Variants in PCDHA4 observed in about 807,000 individuals in gnomAD.
PCDHA4 encodes the protein protocadherin alpha-4.
Under a neutral mutation model 61.4 loss-of-function variants are expected in PCDHA4, and 49 were observed. That is an observed-to-expected ratio of 0.80 (90% confidence interval 0.63 to 1.01). The LOEUF is 1.01. Among genes scored for constraint, PCDHA4 ranks in the 50% least tolerant of loss-of-function variants. PCDHA4 has a pLI of 0.00. For missense variants in PCDHA4, 1,254 were observed against 1,235.8 expected (o/e 1.01, Z -0.22); for synonymous variants, 590 against 550.3 (o/e 1.07, Z -1.01).
intron 1 of PCDHA4, chr5:140,850,151 G>A (rs1554143863): frequency 3.1e-6 from 5 of 1,595,466 alleles, no homozygotes; most frequent in Admixed American, 1.7e-5. Flanking sequence ...TGACGCTGCA[G>A]GTGTTCGTGC....
intron 3 of PCDHA4, among the ~76,000 whole-genome samples, chr5:140,983,526 A>C (rs1421450953): frequency 6.6e-6 from 1 of 152,230 alleles, no homozygotes; most frequent in African/African-American, 2.4e-5. Context: ...TGCCAAGTAC[A>C]TTGTATGTGT....
intron 1 of PCDHA4, chr5:140,835,779 G>GAGAACAACCCGCCGGGCTGCCACATCTT: frequency 6.2e-7 from 1 of 1,613,360 alleles, no homozygotes; most frequent in Non-Finnish European, 8.5e-7. Context: ...GTTCGTGAAG[G>GAGAACAACCCGCCGGGCTGCCACATCTT]AGAACAACCC....
chr5:140,947,402 T>C (rs550043631), intron 1 of PCDHA4, among the ~76,000 whole-genome samples: 1 of 151,868 alleles, frequency 6.6e-6, no homozygotes, highest in East Asian at 1.9e-4. Context: ...AAGTAGACTG[T>C]CTTGATATTG....
intron 1 of PCDHA4, among the ~76,000 whole-genome samples, chr5:140,950,428 T>G (rs408652): frequency 0.56 from 85,077 of 151,214 alleles, 24,477 homozygotes; most frequent in African/African-American, 0.69. Context: ...TTTCTTCCAC[T>G]TAAAAAAAAT....
intron 1 of PCDHA4, among the ~76,000 whole-genome samples, chr5:140,925,841 C>CT (rs1451775258): frequency 1.3e-5 from 2 of 152,066 alleles, no homozygotes; most frequent in African/African-American, 4.8e-5. Flanking sequence ...GTCGTCAAGT[C>CT]TTTGAGTTTC....
At chr5:140,850,178 T>C (rs1266429053) in intron 1 of PCDHA4, 11 of 1,592,662 alleles carry the variant, frequency 6.9e-6, no homozygotes, top group East Asian at 6.8e-5. Flanking sequence ...AGAACGACAA[T>C]GCGCCGGCGC....
intron 3 of PCDHA4, among the ~76,000 whole-genome samples, chr5:140,991,069 G>T (rs1156985445): frequency 6.6e-6 from 1 of 152,136 alleles, no homozygotes; most frequent in Non-Finnish European, 1.5e-5. Flanking sequence ...TTATTCCCAT[G>T]TTTCAGATAA....
intron 1 of PCDHA4, among the ~76,000 whole-genome samples, chr5:140,888,721 G>A (rs1176739860): frequency 6.6e-6 from 1 of 151,970 alleles, no homozygotes; most frequent in Non-Finnish European, 1.5e-5. Flanking sequence ...AATATTTCCA[G>A]CCCTTTGTGA....
At chr5:140,857,952 C>G in intron 1 of PCDHA4, 1 of 1,597,470 alleles carries the variant, frequency 6.3e-7, no homozygotes, top group South Asian at 1.1e-5. Context: ...ACGACGCGCG[C>G]TCTGGATGAG....
At chr5:140,994,355 G>A (rs2097616615) in intron 3 of PCDHA4, among the ~76,000 whole-genome samples, 2 of 152,240 alleles carry the variant, frequency 1.3e-5, no homozygotes, top group South Asian at 4.1e-4. Flanking sequence ...TGGGACCTCA[G>A]AAGATGGAAT....
In PCDHA4 at chr5:141,005,701, CAAAAAAAA is replaced by C. The variant is rs59860837; in HGVS notation, c.2534-3903_2534-3896del. Among the ~76,000 whole-genome samples, 45 of 7,788 alleles carry C rather than the reference CAAAAAAAA, an allele frequency of 5.8e-3. No individual in the cohort carries two copies. In the East Asian group the frequency reaches 0.064, roughly 11 times the overall value. 5.1% of individuals were successfully genotyped at this position (7,788 alleles called of 152,430 possible). A position where few individuals can be genotyped will look rare whatever the true frequency, so the allele number is the denominator to read the frequency against. On this transcript the variant is annotated intron_variant, in intron 3 of 3. Coordinates refer to ENST00000530339, the MANE Select transcript of PCDHA4 (RefSeq NM_018907.4). ...TGGGCGACAGAGCGAAACTCCGTCT[CAAAAAAAA>C]AAAAAAAAAAAAAAAAAAAAAAGAA...
intron 1 of PCDHA4, chr5:140,850,578 G>T: frequency 6.3e-7 from 1 of 1,598,460 alleles, no homozygotes; most frequent in Non-Finnish European, 8.6e-7. Context: ...GACGCTGGTG[G>T]ATGTCAACGT....
chr5:140,949,409 A>G (rs547419161), intron 1 of PCDHA4, among the ~76,000 whole-genome samples: 1 of 151,896 alleles, frequency 6.6e-6, no homozygotes, highest in African/African-American at 2.4e-5. Flanking sequence ...AAAATCACCT[A>G]TCATCATTGT....
intron 1 of PCDHA4, chr5:140,869,297 G>A (rs781788461): frequency 1.2e-6 from 2 of 1,613,576 alleles, no homozygotes; most frequent in East Asian, 2.2e-5. Flanking sequence ...CGCCTGTTCC[G>A]GGTGGCGTCC....
At chr5:140,885,864 GA>G (rs1267536827) in intron 1 of PCDHA4, among the ~76,000 whole-genome samples, 5 of 151,842 alleles carry the variant, frequency 3.3e-5, no homozygotes, top group African/African-American at 4.8e-5. Context: ...CTTTTCTATT[GA>G]AAAAAAATTT....
At chr5:140,927,720 G>C (rs782475238) in intron 1 of PCDHA4, 8 of 1,614,056 alleles carry the variant, frequency 5.0e-6, no homozygotes, top group Non-Finnish European at 6.8e-6. Flanking sequence ...GCAACAGCAC[G>C]CAAGCAGAGC....
chr5:140,968,058 G>A lies in PCDHA4; in HGVS notation c.2386-10891G>A, dbSNP rs532963970. On this transcript the variant is annotated intron_variant, in intron 1 of 3. Transcript: ENST00000530339. The stretch of plus-strand genomic sequence containing the variant: ...GTGAGCGGCCCACTGGACCGAGAGC[G>A]GGTGGCTGTCTACAACATCACGGTG... The A allele has an allele frequency of 1.1e-5, 18 of 1,614,088 alleles. No individual in the cohort carries two copies. The highest frequency in any genetic ancestry group is 4.0e-5 in the African/African-American group (3 of 75,026).
chr5:140,950,247 A>G (rs1483854749), intron 1 of PCDHA4, among the ~76,000 whole-genome samples: 1 of 152,004 alleles, frequency 6.6e-6, no homozygotes, highest in East Asian at 1.9e-4. Flanking sequence ...ATTTGTTCCT[A>G]AAGAGCTGAG....
intron 1 of PCDHA4, among the ~76,000 whole-genome samples, chr5:140,827,240 A>G (rs1263320018): frequency 3.3e-5 from 5 of 152,204 alleles, no homozygotes; most frequent in African/African-American, 9.6e-5. Context: ...ACAGGGTTGA[A>G]GTTGAGAGAG....
Sources: gnomAD v4.1 joint callset for allele counts (sites outside exome capture counted in the v4.1 genomes callset) on GRCh38, gnomAD v4.1.1 for gene constraint, MANE v1.5 for transcripts, NCBI Gene and HGNC (gene_info 2026-07-23, HGNC 2026-07-21) for gene names.